Variants in NTRK2 observed in about 807,000 individuals in gnomAD.
NTRK2 encodes BDNF/NT-3 growth factors receptor.
NTRK2 carries 13 observed loss-of-function variants against 94.5 expected under a neutral mutation model. The ratio of observed to expected loss-of-function variants is 0.14; its 90% confidence interval spans 0.09 to 0.22. The LOEUF (loss-of-function observed/expected upper bound fraction) is 0.22, where lower values mean the gene tolerates loss of function less well. NTRK2 is among the 10% of genes least tolerant of loss of function. NTRK2 has a pLI of 1.00. For synonymous variants in NTRK2, 372 were observed against 407.4 expected (o/e 0.91, Z 1.05); for missense variants, 639 against 1,071.2 (o/e 0.60, Z 5.63).
intron 9 of NTRK2, among the ~76,000 whole-genome samples, chr9:84,734,855 A>G (rs1588244475): frequency 6.6e-6 from 1 of 152,188 alleles, no homozygotes; most frequent in East Asian, 1.9e-4. Flanking sequence ...ACAGGCTAAT[A>G]CAGCCCTTTA....
At chr9:84,788,834 A>C (rs1445930465) in intron 12 of NTRK2, among the ~76,000 whole-genome samples, 1 of 152,088 alleles carries the variant, frequency 6.6e-6, no homozygotes, top group Non-Finnish European at 1.5e-5. Context: ...CACTCCTCCC[A>C]GACCAGGTGG....
chr9:84,915,034 A>G (rs1441996544), intron 14 of NTRK2, among the ~76,000 whole-genome samples: 2 of 152,154 alleles, frequency 1.3e-5, no homozygotes. Context: ...TTAGAGTCTC[A>G]TAAGGAGTGC....
chr9:84,867,882 T>C (rs928541017), intron 14 of NTRK2, among the ~76,000 whole-genome samples: 2 of 152,176 alleles, frequency 1.3e-5, no homozygotes, highest in Non-Finnish European at 2.9e-5. Flanking sequence ...TGGTATCAGT[T>C]TGGGGAGTCC....
At chr9:84,861,226 T>G in intron 13 of NTRK2, 139 bp downstream of exon 13, 1 of 705,934 alleles carries the variant, frequency 1.4e-6, no homozygotes, top group South Asian at 1.8e-5. Context: ...GTTGAAGAAG[T>G]AGGTCTAGAA....
rs111319553 is a variant in NTRK2 at position 84,721,324 on chromosome 9, C to T, written c.584-2249C>T. On this transcript the variant is annotated intron_variant, in intron 6 of 18. Coordinates refer to ENST00000277120, the MANE Select transcript of NTRK2 (RefSeq NM_006180.6). ...CCAAGTAGCTGGGATTACAGGCACC[C>T]GCCACTGCGCACGGCTAATTTTTTG... is the stretch of plus-strand genomic sequence containing the variant. Among the ~76,000 whole-genome samples, 1,209 of 152,094 alleles carry T rather than the reference C, an allele frequency of 7.9e-3. 25 individuals carry two copies. The highest frequency in any genetic ancestry group is 0.027 in the African/African-American group (1,128 of 41,484).
chr9:84,889,007 T>TTTTTTTTTTTTTTTTG (rs1399299847), intron 14 of NTRK2, among the ~76,000 whole-genome samples: 1 of 136,418 alleles, frequency 7.3e-6, no homozygotes, highest in African/African-American at 2.9e-5. Context: ...TTTTTTTTTT[T>TTTTTTTTTTTTTTTTG]TGAGACGGAG....
chr9:84,804,670 C>A (rs2070897336), intron 12 of NTRK2, among the ~76,000 whole-genome samples: 1 of 152,154 alleles, frequency 6.6e-6, no homozygotes, highest in African/African-American at 2.4e-5. Context: ...GGCACAAGAT[C>A]TATGGTGGCA....
At chr9:84,819,956 A>G (rs1426290703) in intron 12 of NTRK2, among the ~76,000 whole-genome samples, 1 of 152,050 alleles carries the variant, frequency 6.6e-6, no homozygotes, top group Non-Finnish European at 1.5e-5. Context: ...ACCCTGAGAC[A>G]TATGTTATAT....
intron 14 of NTRK2, among the ~76,000 whole-genome samples, chr9:84,870,320 G>GGTGTGT (rs369162349): frequency 0.027 from 1,250 of 46,190 alleles, 108 homozygotes; most frequent in African/African-American, 0.063. Context: ...ATATATGTGG[G>GGTGTGT]GTGTGTGTGT....
At chr9:84,777,189 T>C (rs893911572) in intron 12 of NTRK2, among the ~76,000 whole-genome samples, 1 of 152,150 alleles carries the variant, frequency 6.6e-6, no homozygotes, top group African/African-American at 2.4e-5. Context: ...TTGTGCATCA[T>C]AAATAGTAGA....
At chr9:84,690,930 A>G (rs1046957382) in intron 2 of NTRK2, among the ~76,000 whole-genome samples, 3 of 152,230 alleles carry the variant, frequency 2.0e-5, no homozygotes, top group Admixed American at 1.3e-4. Flanking sequence ...AATGTTAAAA[A>G]TGTCACAATC....
intron 17 of NTRK2, among the ~76,000 whole-genome samples, chr9:85,012,126 C>A (rs986093446): frequency 6.6e-6 from 1 of 151,714 alleles, no homozygotes; most frequent in Non-Finnish European, 1.5e-5. Context: ...GTAGCTGGGA[C>A]TACAGGTGTG....
At chr9:84,813,618 A>G (rs200331228) in intron 12 of NTRK2, 1 of 1,066,084 alleles carries the variant, frequency 9.4e-7, no homozygotes, top group Non-Finnish European at 1.1e-6. Context: ...GATTCCCACC[A>G]TGCTGTGACC....
chr9:84,965,554 A>G (rs1393197953), intron 17 of NTRK2, among the ~76,000 whole-genome samples: 1 of 152,196 alleles, frequency 6.6e-6, no homozygotes, highest in Non-Finnish European at 1.5e-5. Flanking sequence ...TTAACCGCAA[A>G]GACTATTGCC....
Position 84,829,171 on chromosome 9 carries a change from G to A in NTRK2, c.1397-31869G>A, listed in dbSNP as rs551603127. Among the ~76,000 whole-genome samples, 16 of 151,998 alleles carry A rather than the reference G, an allele frequency of 1.1e-4. No individual in the cohort carries two copies. The East Asian group carries it at 3.1e-3, about 29-fold the overall frequency. On this transcript the variant is annotated intron_variant, in intron 12 of 18. Transcript: ENST00000277120. ...GTGCCACCACACCTGGCTAATTTTT[G>A]CATTTTTAGTAGAGATGGGGTTTCG...
At chr9:84,904,817 G>A (rs896324082) in intron 14 of NTRK2, among the ~76,000 whole-genome samples, 4 of 152,068 alleles carry the variant, frequency 2.6e-5, no homozygotes, top group African/African-American at 9.7e-5. Flanking sequence ...AAAAATACTG[G>A]GAAGCAATGC....
chr9:84,837,560 C>T (rs1051125891), intron 12 of NTRK2, among the ~76,000 whole-genome samples: 2 of 152,072 alleles, frequency 1.3e-5, no homozygotes, highest in African/African-American at 2.4e-5. Context: ...CTGATGCTTT[C>T]GAGGGAGGCT....
intron 11 of NTRK2, among the ~76,000 whole-genome samples, chr9:84,745,625 G>T (rs938656591): frequency 6.6e-6 from 1 of 152,230 alleles, no homozygotes; most frequent in Non-Finnish European, 1.5e-5. Flanking sequence ...TTGTAGCTGG[G>T]ACACTCTGAG....
intron 12 of NTRK2, among the ~76,000 whole-genome samples, chr9:84,854,623 A>C (rs1028478481): frequency 6.6e-6 from 1 of 151,990 alleles, no homozygotes; most frequent in African/African-American, 2.4e-5. Flanking sequence ...ATTTGACCTG[A>C]AACCTGAAAA....
Sources: allele counts gnomAD v4.1 joint callset (sites outside exome capture counted in the v4.1 genomes callset), GRCh38; gene constraint gnomAD v4.1.1; transcripts MANE v1.5; gene names NCBI Gene and HGNC (gene_info 2026-07-23, HGNC 2026-07-21).